Variants in MYH1 observed in about 807,000 individuals in gnomAD.
MYH1 encodes the protein myosin heavy chain 1.
MYH1 carries 214 observed loss-of-function variants against 225.6 expected under a neutral mutation model. That is an observed-to-expected ratio of 0.95 (90% CI 0.85 to 1.06). The LOEUF is 1.06. Ranked by LOEUF, MYH1 falls within the 50% of genes least tolerant of loss-of-function variation. MYH1 has a pLI of 0.00. For missense variants in MYH1, 2,098 were observed against 2,344.2 expected (o/e 0.89, Z 2.17); for synonymous variants, 774 against 842.3 (o/e 0.92, Z 1.40).
intron 37 of MYH1, 29 bp downstream of exon 37, chr17:10,494,902 T>C (rs371538015): frequency 6.2e-6 from 10 of 1,613,958 alleles, no homozygotes; most frequent in East Asian, 2.2e-5. Flanking sequence ...TGGAATGAGA[T>C]AGAAATACAT....
intron 6 of MYH1, 71 bp from the exon 7 acceptor site, chr17:10,514,195 T>C: frequency 1.3e-6 from 2 of 1,527,394 alleles, no homozygotes; most frequent in East Asian, 2.3e-5. Flanking sequence ...CATGGCTTTG[T>C]CTTTATATCT....
intron 15 of MYH1, 128 bp from the exon 16 acceptor site, chr17:10,508,800 T>G (rs2073142899): frequency 3.0e-6 from 4 of 1,355,626 alleles, no homozygotes; most frequent in Non-Finnish European, 3.9e-6. Flanking sequence ...GAAAACTCGT[T>G]CCTTTGGTCA....
chr17:10,515,159 G>T (rs542500383), intron 5 of MYH1, among the ~76,000 whole-genome samples: 1 of 152,194 alleles, frequency 6.6e-6, no homozygotes, highest in African/African-American at 2.4e-5. Context: ...TGCATAATAT[G>T]CTAAAGGCTT....
At position 10,494,416 on chromosome 17, in the gene MYH1, G is replaced by A; in HGVS notation, c.5605C>T (p.Gln1869Ter). 1 of 1,614,160 alleles carries A rather than the reference G, an allele frequency of 6.2e-7. No individual in the cohort carries two copies. Among genetic ancestry groups the A allele is most frequent in the Non-Finnish European group, 8.5e-7 (1 of 1,180,042 alleles). The change falls in exon 39 of 40, where the codon CAG (glutamine) becomes TAG (stop). Residue 1869 changes from glutamine (Q) to a stop codon, truncating the protein, a stop_gained. Transcript: ENST00000226207. LOFTEE classifies it high-confidence loss of function. ...EEDRKNILRL[Q>*]DLVDKLQAKV... ...GCTTGCAGTTTGTCCACCAGGTCCT[G>A]GAGCCTGAGAATATTCTTGCGGTCT... is the stretch of plus-strand genomic sequence containing the variant.
Position 10,513,839 on chromosome 17 carries a change from A to G in MYH1, c.723T>C (p.Asn241=), listed in dbSNP as rs200897726. 147 of 1,614,196 alleles carry G rather than the reference A, an allele frequency of 9.1e-5. 1 individual carries two copies. The East Asian group carries it at 3.2e-3, about 35-fold the overall frequency. The change falls in exon 8 of 40, where the codon AAT becomes AAC. Residue 241 remains asparagine, a synonymous_variant. Coordinates refer to ENST00000226207, the MANE Select transcript of MYH1 (RefSeq NM_005963.4). ...GACTTACAAAGCGAGAGGAGTTGTCATTCCTCACGGTCTTGGCGTTGCCAA... is the reference window on the plus strand; with the variant it reads ...GACTTACAAAGCGAGAGGAGTTGTCGTTCCTCACGGTCTTGGCGTTGCCAA... The part of the protein sequence containing the change: ...EAFGNAKTVR[N]DNSSRFGKFI...
At chr17:10,499,178 A>G in intron 28 of MYH1, 86 bp from the exon 29 acceptor site, 2 of 1,172,560 alleles carry the variant, frequency 1.7e-6, no homozygotes, top group East Asian at 2.3e-5. Context: ...AAGGGAGCCA[A>G]GTTTGAAACT....
At position 10,497,797 on chromosome 17, in the gene MYH1, A is replaced by G; in HGVS notation, c.4302T>C (p.Ile1434=). 6.2e-7 allele frequency: 1 copy of G among 1,614,152 alleles called. No homozygotes were observed. The highest frequency in any genetic ancestry group is 8.5e-7 in the Non-Finnish European group (1 of 1,180,020). ...RLQNEVEDLM[I]DVERTNAACA... Reference sequence around the variant, plus strand: ...AGGCAGCATTTGTCCTCTCAACATCAATCATGAGGTCCTCAACTTCATTCT... The same window carrying G: ...AGGCAGCATTTGTCCTCTCAACATCGATCATGAGGTCCTCAACTTCATTCT... The change falls in exon 31 of 40, where the codon ATT becomes ATC. Residue 1434 remains isoleucine (I), a synonymous_variant. Transcript: ENST00000226207.
In MYH1 at chr17:10,505,061, A is replaced by G; in HGVS notation, c.2440T>C (p.Ser814Pro). Residue 814 changes from serine to proline, a missense_variant, in exon 22 of 40, where the codon TCC becomes CCC. Ser to Pro is a moderately conservative substitution (Grantham distance 74). Transcript: ENST00000226207. Reference sequence around the variant, plus strand: ...ACATTGTACTGGATGCAGAAGATGGACTCTCTGTCATAGGAACAGAAATGT... The same window carrying G: ...ACATTGTACTGGATGCAGAAGATGGGCTCTCTGTCATAGGAACAGAAATGT... ...EYQKMVERRE[S>P]IFCIQYNVRA... 6.2e-7 allele frequency: 1 copy of G among 1,614,114 alleles called. No homozygotes were observed.
chr17:10,518,304 A>G lies in MYH1; in HGVS notation c.-71-34T>C, dbSNP rs567265909. ...AAAAGAGCAAACCTCTTCTGATTAA[A>G]TTATAACAATTCCCGATTATAGAAC... On this transcript the variant is annotated intron_variant, in intron 1 of 39. Coordinates refer to ENST00000226207, the MANE Select transcript of MYH1 (RefSeq NM_005963.4). 7.9e-5 allele frequency: 12 copies of G among 152,348 alleles called. No homozygotes were observed. In the South Asian group the frequency reaches 2.5e-3, roughly 32 times the overall value. The allele number at this position is 152,348 out of a possible 1,614,324, so 9.4% of individuals were successfully genotyped here.
rs369680678 is a variant in MYH1 at position 10,496,052 on chromosome 17, G to A, written c.5067C>T (p.Ile1689=). Residue 1689 remains isoleucine (I), a synonymous_variant, in exon 35 of 40, where the codon ATC becomes ATT. Transcript: ENST00000226207. Reference sequence around the variant, plus strand: ...GTTCCAGAGTGGCCCGCAGCTCCTCGATCTCAGCCTGCAGCAGGTTGGCTC... The same window carrying A: ...GTTCCAGAGTGGCCCGCAGCTCCTCAATCTCAGCCTGCAGCAGGTTGGCTC... ...ERRANLLQAE[I]EELRATLEQT... 4.5e-5 allele frequency: 73 copies of A among 1,614,048 alleles called. No homozygotes were observed. The East Asian group carries it at 5.4e-4, about 12-fold the overall frequency.
intron 34 of MYH1, 41 bp downstream of exon 34, chr17:10,496,200 G>C: frequency 1.9e-6 from 3 of 1,614,096 alleles, no homozygotes; most frequent in Non-Finnish European, 2.5e-6. Flanking sequence ...AGGGTTGCAG[G>C]CACCCCAATT....
rs796552940 is a variant in MYH1, at chr17:10,512,485, C to A, written c.1070G>T (p.Gly357Val). Residue 357 changes from glycine to valine, a missense_variant, in exon 12 of 40, where the codon GGG becomes GTG. Physicochemically the swap from Gly to Val is moderately radical, Grantham distance 109 (BLOSUM62 -3). Transcript: ENST00000226207. ...DERVSIYKLT[G>V]AVMHYGNMKF... The stretch of plus-strand genomic sequence containing the variant: ...CATGTTCCCATAATGCATCACAGCC[C>A]CTGTGAGCTTATAGATGGACACTCT... 4 of 1,613,878 alleles carry A rather than the reference C, an allele frequency of 2.5e-6. No individual in the cohort carries two copies. The Admixed American group carries it at 6.7e-5, about 27-fold the overall frequency.
At chr17:10,504,780 G>C in intron 22 of MYH1, 30 bp downstream of exon 22, 1 of 1,611,682 alleles carries the variant, frequency 6.2e-7, no homozygotes, top group East Asian at 2.2e-5. Context: ...TTTAGCATCA[G>C]ATTGCAGGAA....
Position 10,512,104 on chromosome 17 carries a change from C to T in MYH1, c.1236G>A (p.Glu412=), listed in dbSNP as rs757438906. The T allele has an allele frequency of 6.2e-7, 1 of 1,614,186 alleles. No homozygotes were observed. ...GCACAGTTTGACCTTTGGTGACATA[C>T]TCATTGCCGACCTTGACCCTAGGGT... is the stretch of plus-strand genomic sequence containing the variant. ...LCYPRVKVGN[E]YVTKGQTVQQ... Residue 412 remains glutamate, a synonymous_variant, in exon 13 of 40, where the codon GAG becomes GAA. Transcript: ENST00000226207.
Position 10,516,472 on chromosome 17 carries a change from C to G in MYH1, c.171G>C (p.Gly57=), listed in dbSNP as rs1303918970. ...CTTCGGTCTTAGCTGTCACCTTCCC[C>G]CCTTCCCTGCTCTGCACTGTTGCTT... The part of the protein sequence containing the change: ...FVKATVQSRE[G]GKVTAKTEAG... Residue 57 remains glycine, a synonymous_variant, in exon 3 of 40, where the codon GGG becomes GGC. Transcript: ENST00000226207. 2 of 1,614,098 alleles carry G rather than the reference C, an allele frequency of 1.2e-6. No homozygotes were observed. Among genetic ancestry groups the G allele is most frequent in the Non-Finnish European group, 1.7e-6 (2 of 1,180,058 alleles).
chr17:10,512,789 G>A lies in MYH1; in HGVS notation c.905-5C>T. Reference sequence around the variant, plus strand: ...TGGTGGTGATCAGGAGCATTTCTGGGTCACAGAATTCAGGGCATATGTTTT... The same window carrying A: ...TGGTGGTGATCAGGAGCATTTCTGGATCACAGAATTCAGGGCATATGTTTT... On this transcript the variant is annotated splice_polypyrimidine_tract_variant and splice_region_variant and intron_variant, in intron 10 of 39. Coordinates refer to ENST00000226207, the MANE Select transcript of MYH1 (RefSeq NM_005963.4). 6.2e-7 allele frequency: 1 copy of A among 1,613,476 alleles called. No individual in the cohort carries two copies. The highest frequency in any genetic ancestry group is 1.1e-5 in the South Asian group (1 of 91,072).
At chr17:10,492,889 G>A (rs2072950223) in intron 39 of MYH1, among the ~76,000 whole-genome samples, 1 of 150,960 alleles carries the variant, frequency 6.6e-6, no homozygotes, top group Non-Finnish European at 1.5e-5. Flanking sequence ...AGAATCCTGA[G>A]AATGGAACCA....
chr17:10,516,082 T>A lies in MYH1; in HGVS notation c.349A>T (p.Thr117Ser). Residue 117 changes from threonine to serine, a missense_variant and splice_region_variant, in exon 5 of 40, where the codon ACC becomes TCC. By Grantham distance (58) the Thr-to-Ser change is moderately conservative (BLOSUM62 1). Transcript: ENST00000226207. The stretch of plus-strand genomic sequence containing the variant: ...GTGACACAGAACAAGCCTGAGTAGG[T>A]CTGCACCCAAAACAAAAGGGAGGAA... ...KERYAAWMIY[T>S]YSGLFCVTVN... 1.2e-6 allele frequency: 2 copies of A among 1,613,930 alleles called. No individual in the cohort carries two copies. The highest frequency in any genetic ancestry group is 1.1e-5 in the South Asian group (1 of 91,074).
chr17:10,495,056 C>A lies in MYH1; in HGVS notation c.5341G>T (p.Ala1781Ser), dbSNP rs770557823. The change falls in exon 37 of 40, where the codon GCC becomes TCC. Residue 1781 changes from alanine to serine, a missense_variant. Physicochemically the swap from Ala to Ser is moderately conservative, Grantham distance 99 (BLOSUM62 1). Transcript: ENST00000226207. ...EELKKEQDTS[A>S]HLERMKKNLE... is the part of the protein sequence containing the mutation. ...TTCTTCTTCATCCGCTCCAGATGGG[C>A]GCTGGTGTCCTGTTCCTTCTTCAGC... 3 of 1,614,210 alleles carry A rather than the reference C, an allele frequency of 1.9e-6. No homozygotes were observed. Among genetic ancestry groups the A allele is most frequent in the Non-Finnish European group, 2.5e-6 (3 of 1,180,040 alleles).
Sources: allele counts gnomAD v4.1 joint callset (sites outside exome capture counted in the v4.1 genomes callset), GRCh38; gene constraint gnomAD v4.1.1; transcripts MANE v1.5; gene names NCBI Gene and HGNC (gene_info 2026-07-23, HGNC 2026-07-21).